The following THRAP3 variants were observed in gnomAD, a reference collection of about 807,000 sequenced individuals.
The protein encoded by THRAP3 is thyroid hormone receptor associated protein 3.
Under a neutral mutation model 101.0 loss-of-function variants are expected in THRAP3, and 16 were observed. The ratio of observed to expected loss-of-function variants is 0.16; its 90% CI spans 0.11 to 0.24. The LOEUF (loss-of-function observed/expected upper bound fraction) is 0.24. Ranked by LOEUF, THRAP3 falls within the 10% of genes least tolerant of loss-of-function variation. The pLI, the probability that THRAP3 is intolerant of heterozygous loss-of-function variation, is 1.00. For synonymous variants in THRAP3, 407 were observed against 422.6 expected (o/e 0.96, Z 0.45); for missense variants, 989 against 1,202.7 (o/e 0.82, Z 2.63).
intron 2 of THRAP3, among the ~76,000 whole-genome samples, chr1:36,275,491 G>C (rs959181697): frequency 6.6e-6 from 1 of 150,408 alleles, no homozygotes; most frequent in African/African-American, 2.5e-5. Flanking sequence ...GGAGGCTGAG[G>C]CAGGAGAATG....
Position 36,289,396 on chromosome 1 carries a change from A to G in THRAP3, c.1377A>G (p.Ala459=). The change falls in exon 5 of 12, where the codon GCA becomes GCG. Residue 459 remains alanine, a synonymous_variant. Coordinates refer to ENST00000354618, the MANE Select transcript of THRAP3 (RefSeq NM_005119.4). Reference sequence around the variant, plus strand: ...AATTTATGTCTAAAGTCATAGGTGCAAACAAAAACCAGGAGGAGGAGAAGT... The same window carrying G: ...AATTTATGTCTAAAGTCATAGGTGCGAACAAAAACCAGGAGGAGGAGAAGT... ...EPKFMSKVIG[A]NKNQEEEKSG... The G allele has an allele frequency of 6.2e-7, 1 of 1,614,236 alleles. No homozygotes were observed. Among genetic ancestry groups the G allele is most frequent in the South Asian group, 1.1e-5 (1 of 91,090 alleles).
In THRAP3 at chr1:36,278,923, C is replaced by CA. The variant is rs543329752; in HGVS notation, c.-31-3601dup. Among the ~76,000 whole-genome samples, 203 of 145,486 alleles carry CA rather than the reference C, an allele frequency of 1.4e-3. 1 individual carries two copies. The highest frequency in any genetic ancestry group is 4.3e-3 in the African/African-American group (171 of 39,362). ...GAGCAACAAGAGCAAAACTCTGTCT[C>CA]AAAAAAAAATAAATAAATAAAAATA... On this transcript the variant is annotated intron_variant, in intron 2 of 11. Coordinates refer to ENST00000354618, the MANE Select transcript of THRAP3 (RefSeq NM_005119.4).
intron 2 of THRAP3, among the ~76,000 whole-genome samples, chr1:36,268,369 T>C (rs1258318738): frequency 6.6e-6 from 1 of 152,106 alleles, no homozygotes; most frequent in African/African-American, 2.4e-5. Flanking sequence ...ATTTTGGACA[T>C]TTTGGAGGGC....
Position 36,302,917 on chromosome 1 carries a change from CAG to C in THRAP3, c.2647-878_2647-877del, listed in dbSNP as rs1329145246. ...CGTCACACTGCCTCCTTGCATAAAA[CAG>C]GGGAGATACAAAATGAGAGTGTGGA... is the stretch of plus-strand genomic sequence containing the variant. On this transcript the variant is annotated intron_variant, in intron 11 of 11. Coordinates refer to ENST00000354618, the MANE Select transcript of THRAP3 (RefSeq NM_005119.4). Among the ~76,000 whole-genome samples the C allele has an allele frequency of 5.9e-5, 9 of 152,168 alleles. No homozygotes were observed. In the East Asian group the frequency reaches 1.5e-3, roughly 26 times the overall value.
intron 1 of THRAP3, among the ~76,000 whole-genome samples, 187 bp downstream of exon 1, chr1:36,224,692 C>T (rs1472016318): frequency 6.6e-6 from 1 of 152,192 alleles, no homozygotes; most frequent in Non-Finnish European, 1.5e-5. Context: ...CCTTCCCCGC[C>T]CTTTAGGTCT....
At chr1:36,241,402 T>C (rs1349924515) in intron 1 of THRAP3, among the ~76,000 whole-genome samples, 1 of 17,940 alleles carries the variant, frequency 5.6e-5, no homozygotes, top group African/African-American at 1.0e-4. Context: ...TATATATATA[T>C]ATATATATAT....
intron 1 of THRAP3, among the ~76,000 whole-genome samples, chr1:36,246,657 A>G (rs1485654536): frequency 6.6e-6 from 1 of 151,680 alleles, no homozygotes; most frequent in Non-Finnish European, 1.5e-5. Flanking sequence ...CCTGGCTAAC[A>G]TGGTGAAACC....
chr1:36,261,092 G>C (rs1198672815), intron 2 of THRAP3, among the ~76,000 whole-genome samples: 1 of 151,942 alleles, frequency 6.6e-6, no homozygotes, highest in Non-Finnish European at 1.5e-5. Flanking sequence ...TAAGCATTTT[G>C]GCTATATTAT....
the THRAP3 span, among the ~76,000 whole-genome samples, chr1:36,214,049 AGAAAGAAAGAAAGAAAGAC>A: frequency 7.6e-6 from 1 of 130,726 alleles, no homozygotes; most frequent in African/African-American, 3.1e-5. Context: ...AAAGAAAGAA[AGAAAGAAAGAAAGAAAGAC>A]AACTCCTAAC....
At position 36,286,358 on chromosome 1, in the gene THRAP3, T is replaced by C. The variant is rs761424958; in HGVS notation, c.138-10T>C. The stretch of plus-strand genomic sequence containing the variant: ...AATTCAAACATTTGTCTCTTTCCTT[T>C]CCATTCCAGTTCTAGGTCTCGTTCC... On this transcript the variant is annotated splice_polypyrimidine_tract_variant and intron_variant, in intron 3 of 11. Transcript: ENST00000354618. The surrounding 1 kb of genome is among the most constrained non-coding windows in gnomAD (Gnocchi z 5.5). 2.6e-6 allele frequency: 4 copies of C among 1,556,742 alleles called. No homozygotes were observed. In the Admixed American group the frequency reaches 8.6e-5, roughly 33 times the overall value.
the THRAP3 span, among the ~76,000 whole-genome samples, chr1:36,214,856 C>G: frequency 6.9e-6 from 1 of 144,798 alleles, no homozygotes; most frequent in Admixed American, 7.0e-5. Context: ...AAAACTCTGT[C>G]TCAAAAAAAA....
intron 2 of THRAP3, among the ~76,000 whole-genome samples, chr1:36,280,883 T>G (rs909053627): frequency 6.6e-6 from 1 of 152,016 alleles, no homozygotes; most frequent in Non-Finnish European, 1.5e-5. Flanking sequence ...TATTTGTTTC[T>G]TGGTGGGAAA....
At chr1:36,293,975 T>C in intron 8 of THRAP3, 40 bp downstream of exon 8, 1 of 1,597,212 alleles carries the variant, frequency 6.3e-7, no homozygotes, top group Non-Finnish European at 8.6e-7. Context: ...ACAAAATGAG[T>C]GCGTTGGGCA....
intron 1 of THRAP3, among the ~76,000 whole-genome samples, chr1:36,238,649 T>C (rs548691426): frequency 6.6e-6 from 1 of 152,074 alleles, no homozygotes; most frequent in Non-Finnish European, 1.5e-5. Flanking sequence ...AAATGGACTT[T>C]TAGTCAGCAA....
the THRAP3 span, among the ~76,000 whole-genome samples, chr1:36,215,772 A>G: frequency 0.8 from 120,271 of 150,958 alleles, 48,806 homozygotes; most frequent in East Asian, 1. Context: ...TTTTTGAGAC[A>G]GAGTTTTGCT....
chr1:36,216,715 G>C, the THRAP3 span, among the ~76,000 whole-genome samples: 1 of 151,806 alleles, frequency 6.6e-6, no homozygotes, highest in African/African-American at 2.4e-5. Flanking sequence ...AGCCCAGGAG[G>C]CTGCAGTGAG....
At chr1:36,279,541 A>C (rs1645705447) in intron 2 of THRAP3, among the ~76,000 whole-genome samples, 1 of 152,208 alleles carries the variant, frequency 6.6e-6, no homozygotes, top group African/African-American at 2.4e-5. Flanking sequence ...TAGTGACACT[A>C]CTGCCAAAAA....
At chr1:36,262,128 C>T (rs1645454105) in intron 2 of THRAP3, among the ~76,000 whole-genome samples, 1 of 152,060 alleles carries the variant, frequency 6.6e-6, no homozygotes, top group Admixed American at 6.6e-5. Context: ...TTATATAATT[C>T]AATATATCCA....
the THRAP3 span, among the ~76,000 whole-genome samples, chr1:36,211,159 A>T: frequency 6.6e-6 from 1 of 151,794 alleles, no homozygotes; most frequent in Non-Finnish European, 1.5e-5. Context: ...CAGGGGTTCG[A>T]GACCAGCCTG....
Sources: allele counts gnomAD v4.1 joint callset (sites outside exome capture counted in the v4.1 genomes callset), GRCh38; gene constraint gnomAD v4.1.1; non-coding constraint Gnocchi (gnomAD v3.1); transcripts MANE v1.5; gene names NCBI Gene and HGNC (gene_info 2026-07-23, HGNC 2026-07-21).